The following DMD variants were observed in gnomAD, a reference collection of about 807,000 sequenced individuals.
The protein encoded by DMD is dystrophin.
Under a neutral mutation model 330.1 loss-of-function variants are expected in DMD, and 63 were observed. The observed-to-expected ratio is 0.19, with a 90% CI of 0.16 to 0.24. DMD has a LOEUF of 0.24. Among genes scored for constraint, DMD ranks in the 10% least tolerant of loss-of-function variants. DMD has a pLI of 1.00. For missense variants in DMD, 3,344 were observed against 2,684.1 expected (o/e 1.25, Z -5.43); for synonymous variants, 1,223 against 959.8 (o/e 1.27, Z -5.07).
chrX:33,103,064 A>G (rs1438220536), intron 1 of DMD, among the ~76,000 whole-genome samples: 1 of 111,719 alleles, frequency 9.0e-6, no homozygotes, highest in African/African-American at 3.3e-5. Flanking sequence ...TGGAATGGAC[A>G]CAGGAATGAG....
At chrX:32,336,391 G>A (rs2097715708) in intron 41 of DMD, among the ~76,000 whole-genome samples, 1 of 111,663 alleles carries the variant, frequency 9.0e-6, no homozygotes, top group African/African-American at 3.3e-5. Context: ...AGCCTTCCAA[G>A]AGCATGTATA....
chrX:33,201,010 C>A (rs1384581669), intron 1 of DMD, among the ~76,000 whole-genome samples: 1 of 99,001 alleles, frequency 1.0e-5, no homozygotes, highest in African/African-American at 3.8e-5. Context: ...CCGCTCACTG[C>A]AACTTCCACC....
chrX:32,247,851 A>T (rs750211261), intron 43 of DMD, among the ~76,000 whole-genome samples: 14 of 111,783 alleles, frequency 1.3e-4, no homozygotes, highest in Non-Finnish European at 2.4e-4. Flanking sequence ...AGCCCTCAGA[A>T]TCATAGTAGG....
intron 7 of DMD, among the ~76,000 whole-genome samples, chrX:32,734,541 C>T (rs1456168904): frequency 1.9e-5 from 2 of 104,895 alleles, no homozygotes; most frequent in African/African-American, 3.7e-5. Flanking sequence ...ACGAATCCAG[C>T]AGCACATCAA....
intron 62 of DMD, among the ~76,000 whole-genome samples, chrX:31,314,994 G>T (rs1192624037): frequency 9.0e-6 from 1 of 110,925 alleles, no homozygotes; most frequent in Non-Finnish European, 1.9e-5. Context: ...AGGCAGTTCA[G>T]GGTTATTAAG....
At chrX:31,786,244 G>A (rs1236000950) in intron 50 of DMD, among the ~76,000 whole-genome samples, 1 of 111,830 alleles carries the variant, frequency 8.9e-6, no homozygotes, top group Non-Finnish European at 1.9e-5. Context: ...CCACATAAAT[G>A]TCTTCTTTTG....
At chrX:31,836,204 T>C (rs1374580745) in intron 49 of DMD, among the ~76,000 whole-genome samples, 1 of 112,041 alleles carries the variant, frequency 8.9e-6, no homozygotes. Context: ...AAATAAGCAA[T>C]TACATGACAT....
intron 2 of DMD, among the ~76,000 whole-genome samples, chrX:32,899,363 TATC>T (rs1442942705): frequency 9.0e-6 from 1 of 111,424 alleles, no homozygotes; most frequent in African/African-American, 3.3e-5. Context: ...TTTAGTATAA[TATC>T]ATAGAAAGTG....
intron 5 of DMD, among the ~76,000 whole-genome samples, chrX:32,819,013 T>TTG (rs1896690147): frequency 9.7e-6 from 1 of 102,879 alleles, no homozygotes; most frequent in Non-Finnish European, 2.0e-5. Flanking sequence ...GTGTTTTTTT[T>TTG]TTTTTTTTTT....
chrX:33,077,425 T>G (rs2094860803), intron 1 of DMD, among the ~76,000 whole-genome samples: 2 of 111,591 alleles, frequency 1.8e-5, no homozygotes, highest in Admixed American at 9.6e-5. Context: ...TTTCAATCCC[T>G]TCCTTTGGGT....
chrX:32,710,722 G>T (rs781326773), intron 7 of DMD, among the ~76,000 whole-genome samples: 1 of 110,790 alleles, frequency 9.0e-6, no homozygotes, highest in East Asian at 2.9e-4. Flanking sequence ...GATAGGAAAA[G>T]CAGACTCCTT....
At chrX:31,617,317 C>T (rs1287573005) in intron 55 of DMD, among the ~76,000 whole-genome samples, 1 of 110,797 alleles carries the variant, frequency 9.0e-6, no homozygotes, top group African/African-American at 3.3e-5. Context: ...GGCGCATCAC[C>T]TGAGGTCAGG....
chrX:31,714,242 GAT>G (rs2148927007), intron 52 of DMD, among the ~76,000 whole-genome samples: 1 of 111,018 alleles, frequency 9.0e-6, no homozygotes, highest in East Asian at 2.8e-4. Flanking sequence ...TTATATGAGA[GAT>G]AAATTTGGAA....
rs186287760 is a variant in DMD, at chrX:31,260,789, T to A, written c.9286+166A>T. On this transcript the variant is annotated intron_variant, in intron 63 of 78. Transcript: ENST00000357033. ...AAACTTGTTTTTAAGGAACCTCTGA[T>A]AAAAAGAAAGCTGACTGTCAATTTT... Among the ~76,000 whole-genome samples the A allele has an allele frequency of 7.0e-3, 786 of 112,091 alleles. 7 individuals are homozygous for A. The highest frequency in any genetic ancestry group is 0.024 in the African/African-American group (747 of 30,898).
chrX:32,216,150 T>G (rs1182959175), intron 44 of DMD, among the ~76,000 whole-genome samples: 1 of 112,089 alleles, frequency 8.9e-6, no homozygotes, highest in Non-Finnish European at 1.9e-5. Flanking sequence ...TCCACTTGAT[T>G]GACTATTGCA....
chrX:31,204,289 C>G (rs932179835), intron 66 of DMD, among the ~76,000 whole-genome samples, 171 bp from the exon 67 acceptor site: 3 of 112,316 alleles, frequency 2.7e-5, no homozygotes, highest in African/African-American at 3.2e-5. Context: ...TTTTATGAAT[C>G]AAGTTAATGA....
intron 62 of DMD, among the ~76,000 whole-genome samples, chrX:31,287,042 C>T (rs1320043847): frequency 3.5e-5 from 4 of 112,691 alleles, no homozygotes; most frequent in Non-Finnish European, 5.6e-5. Flanking sequence ...GTTGGGATTA[C>T]AGGCTTAAGC....
chrX:32,399,694 AC>A (rs1184478895), intron 30 of DMD, among the ~76,000 whole-genome samples: 1 of 111,588 alleles, frequency 9.0e-6, no homozygotes, highest in Non-Finnish European at 1.9e-5. Context: ...AAAACTGTAA[AC>A]AGAGCTACCA....
At chrX:33,101,421 A>G (rs1354617797) in intron 1 of DMD, among the ~76,000 whole-genome samples, 2 of 112,319 alleles carry the variant, frequency 1.8e-5, no homozygotes, top group Non-Finnish European at 3.8e-5. Flanking sequence ...TGAGGTCAGG[A>G]GTTCGAGACC....
Sources: allele counts gnomAD v4.1 joint callset (sites outside exome capture counted in the v4.1 genomes callset), GRCh38; gene constraint gnomAD v4.1.1; transcripts MANE v1.5; gene names NCBI Gene and HGNC (gene_info 2026-07-23, HGNC 2026-07-21).